Variants in OPCML observed in about 807,000 individuals in gnomAD.
OPCML encodes opioid-binding protein/cell adhesion molecule.
In OPCML, 13 loss-of-function variants were observed where a neutral mutation model predicts 37.8. The observed-to-expected ratio is 0.34, with a 90% CI of 0.22 to 0.55. The LOEUF is 0.55. Ranked by LOEUF, OPCML falls within the 20% of genes least tolerant of loss-of-function variation. OPCML has a pLI of 0.91. For missense variants in OPCML, 341 were observed against 435.6 expected (o/e 0.78, Z 1.93); for synonymous variants, 176 against 168.8 (o/e 1.04, Z -0.33).
At chr11:132,686,421 C>T (rs373505839) in intron 2 of OPCML, among the ~76,000 whole-genome samples, 70 of 152,324 alleles carry the variant, frequency 4.6e-4, no homozygotes, top group African/African-American at 1.7e-3. Flanking sequence ...CTGCAGTCTA[C>T]AGAAACTGAC....
chr11:133,046,847 A>G (rs977952584), intron 1 of OPCML, among the ~76,000 whole-genome samples: 7 of 152,140 alleles, frequency 4.6e-5, no homozygotes, highest in African/African-American at 1.7e-4. Flanking sequence ...ACTCTTCCAG[A>G]CCCATCACAA....
intron 2 of OPCML, among the ~76,000 whole-genome samples, chr11:132,892,992 T>C (rs893646902): frequency 2.0e-5 from 3 of 152,144 alleles, no homozygotes; most frequent in Non-Finnish European, 4.4e-5. Context: ...TATACAAAGG[T>C]TGTCCCCACT....
chr11:133,487,093 C>G (rs1947544917), intron 1 of OPCML, among the ~76,000 whole-genome samples: 1 of 152,130 alleles, frequency 6.6e-6, no homozygotes. Context: ...TCTTTCCTCT[C>G]TCAACACACA....
At chr11:132,428,956 G>T (rs968711116) in intron 7 of OPCML, among the ~76,000 whole-genome samples, 1 of 152,040 alleles carries the variant, frequency 6.6e-6, no homozygotes, top group Non-Finnish European at 1.5e-5. Flanking sequence ...TGTTTCTCCT[G>T]GTACTTTAGT....
chr11:132,567,848 A>G (rs2096427542), intron 3 of OPCML, among the ~76,000 whole-genome samples: 1 of 152,224 alleles, frequency 6.6e-6, no homozygotes, highest in East Asian at 1.9e-4. Flanking sequence ...CTAAGGCTCT[A>G]GGAGTGGGCC....
At chr11:133,117,839 A>C in intron 1 of OPCML, 1 of 984,042 alleles carries the variant, frequency 1.0e-6, no homozygotes, top group Non-Finnish European at 1.2e-6. Context: ...CAATAATACC[A>C]ATAATAACTG....
In OPCML at chr11:133,140,994, AGAAGACGACGAC is replaced by A. The variant is rs1257005599; in HGVS notation, c.62-197996_62-197985del. Among the ~76,000 whole-genome samples the A allele has an allele frequency of 1.2e-3, 5 of 4,090 alleles. 2 individuals are homozygous for A. The highest frequency in any genetic ancestry group is 1.7e-3 in the African/African-American group (4 of 2,326). The allele number at this position is 4,090 out of a possible 152,430, so 2.7% of individuals were successfully genotyped here. The stretch of plus-strand genomic sequence containing the variant: ...AAGAAGAAGAAGAAGAAGAAGAAGA[AGAAGACGACGAC>A]GACGACGACGACGACGACGACGACG... On this transcript the variant is annotated intron_variant, in intron 1 of 7. Coordinates refer to ENST00000524381, the MANE Select transcript of OPCML (RefSeq NM_001012393.5).
In OPCML at chr11:132,782,917, G is replaced by GTATATATATA. The variant is rs59984496; in HGVS notation, c.147-125608_147-125599dup. On this transcript the variant is annotated intron_variant, in intron 2 of 7. Transcript: ENST00000524381. Reference sequence around the variant, plus strand: ...AATATGTAATATATATATAGTGTGTGTATATATATATATATATATATATAT... The same window carrying GTATATATATA: ...AATATGTAATATATATATAGTGTGTGTATATATATATATATATATATATATATATATATAT... 7.1e-3 allele frequency among the ~76,000 whole-genome samples: 886 copies of GTATATATATA among 125,002 alleles called. 4 individuals are homozygous for GTATATATATA. The highest frequency in any genetic ancestry group is 1.0e-2 in the Non-Finnish European group (590 of 59,060). 82.0% of individuals were successfully genotyped at this position (125,002 alleles called of 152,430 possible).
At chr11:132,448,264 T>C (rs2096060476) in intron 4 of OPCML, among the ~76,000 whole-genome samples, 1 of 152,196 alleles carries the variant, frequency 6.6e-6, no homozygotes, top group South Asian at 2.1e-4. Context: ...CTATATTAGT[T>C]CCTGGCATCA....
In OPCML at chr11:132,659,855, C is replaced by T. The variant is rs575923120; in HGVS notation, c.147-2536G>A. Among the ~76,000 whole-genome samples, 76 of 152,208 alleles carry T rather than the reference C, an allele frequency of 5.0e-4. No individual in the cohort carries two copies. In the South Asian group the frequency reaches 0.016, roughly 32 times the overall value. On this transcript the variant is annotated intron_variant, in intron 2 of 7. Transcript: ENST00000524381. ...TGCATTGTTCCTTTTTAAACTGGAA[C>T]TTGTTTTTCCACTATATATCTTCTG...
intron 1 of OPCML, among the ~76,000 whole-genome samples, chr11:133,469,776 C>A (rs542635441): frequency 6.6e-6 from 1 of 152,198 alleles, no homozygotes; most frequent in Admixed American, 6.5e-5. Flanking sequence ...TTATGAAAAA[C>A]CCCCAGGTTT....
intron 1 of OPCML, among the ~76,000 whole-genome samples, chr11:133,098,311 G>A (rs577096613): frequency 5.3e-5 from 8 of 150,622 alleles, no homozygotes; most frequent in South Asian, 2.1e-4. Context: ...TGCCTCCCGC[G>A]TTCATGCCAT....
At chr11:132,534,155 C>T (rs2096333950) in intron 3 of OPCML, among the ~76,000 whole-genome samples, 2 of 152,024 alleles carry the variant, frequency 1.3e-5, no homozygotes, top group Non-Finnish European at 2.9e-5. Context: ...TTTTTCTGGG[C>T]TCAGTTTTAA....
intron 2 of OPCML, among the ~76,000 whole-genome samples, chr11:132,866,325 A>C (rs1942551527): frequency 6.6e-6 from 1 of 152,228 alleles, no homozygotes; most frequent in African/African-American, 2.4e-5. Context: ...GATGCTATAA[A>C]GCGCATCATG....
At chr11:132,444,319 C>T (rs2096046994) in intron 4 of OPCML, among the ~76,000 whole-genome samples, 1 of 152,174 alleles carries the variant, frequency 6.6e-6, no homozygotes, top group African/African-American at 2.4e-5. Flanking sequence ...ATGAATAGGA[C>T]TTCTCCTTTT....
intron 1 of OPCML, among the ~76,000 whole-genome samples, chr11:132,957,743 G>C (rs765342505): frequency 1.3e-5 from 2 of 152,122 alleles, no homozygotes; most frequent in African/African-American, 2.4e-5. Flanking sequence ...ATATCTAGTA[G>C]TGATCAGTAA....
At chr11:132,559,885 T>C (rs186269786) in intron 3 of OPCML, among the ~76,000 whole-genome samples, 2 of 152,288 alleles carry the variant, frequency 1.3e-5, no homozygotes, top group Admixed American at 1.3e-4. Flanking sequence ...TGACCTTTGA[T>C]TGGAGCCATT....
At chr11:132,949,324 G>A (rs1160436586) in intron 1 of OPCML, among the ~76,000 whole-genome samples, 2 of 152,214 alleles carry the variant, frequency 1.3e-5, no homozygotes, top group African/African-American at 4.8e-5. Flanking sequence ...GTGATGGAAC[G>A]TAGCTCGTGA....
rs150749581 is a variant in OPCML, at chr11:132,513,398, T to G, written c.505+15663A>C. 3.9e-5 allele frequency among the ~76,000 whole-genome samples: 6 copies of G among 152,196 alleles called. No individual in the cohort carries two copies. In the East Asian group the frequency reaches 7.7e-4, roughly 20 times the overall value. ...GTCCTTTGGGGACCCCTTTGAAGATTTGAATACAGATTTTGCTTACATTAA... is the reference window on the plus strand; with the variant it reads ...GTCCTTTGGGGACCCCTTTGAAGATGTGAATACAGATTTTGCTTACATTAA... On this transcript the variant is annotated intron_variant, in intron 4 of 7. Transcript: ENST00000524381.
Sources: allele counts gnomAD v4.1 joint callset (sites outside exome capture counted in the v4.1 genomes callset), GRCh38; gene constraint gnomAD v4.1.1; transcripts MANE v1.5; gene names NCBI Gene and HGNC (gene_info 2026-07-23, HGNC 2026-07-21).